FAM168B: variants seen among roughly 807,000 people sequenced by gnomAD.
The protein encoded by FAM168B is family with sequence similarity 168 member B.
In FAM168B, 19 loss-of-function variants were observed where a neutral mutation model predicts 21.8. The ratio of observed to expected loss-of-function variants is 0.87; its 90% CI spans 0.61 to 1.28. The LOEUF is 1.28. FAM168B is among the 50% of genes most tolerant of loss of function. The pLI, the probability that FAM168B is intolerant of heterozygous loss-of-function variation, is 0.00. For synonymous variants in FAM168B, 126 were observed against 104.8 expected, an observed-to-expected ratio of 1.20 and a Z score of -1.24; for missense variants, 233 against 263.1, an observed-to-expected ratio of 0.89 and a Z score of 0.79.
intron 1 of FAM168B, among the ~76,000 whole-genome samples, chr2:131,089,559 G>A (rs2105603551): frequency 6.8e-6 from 1 of 146,820 alleles, no homozygotes; most frequent in Admixed American, 6.9e-5. Flanking sequence ...GGTGAAACCT[G>A]TCTCTACTAA....
chr2:131,072,647 C>A (rs1692933410), intron 2 of FAM168B, among the ~76,000 whole-genome samples: 1 of 151,496 alleles, frequency 6.6e-6, no homozygotes, highest in Admixed American at 6.6e-5. Flanking sequence ...TTAGTAGAGA[C>A]AAGGTTTCAC....
chr2:131,092,044 T>C (rs1282119550), intron 1 of FAM168B, among the ~76,000 whole-genome samples: 2 of 149,764 alleles, frequency 1.3e-5, no homozygotes, highest in Non-Finnish European at 3.0e-5. Context: ...CTTGGGAGGC[T>C]GAGGCAAAAG....
intron 2 of FAM168B, among the ~76,000 whole-genome samples, chr2:131,077,872 T>C (rs1166037535): frequency 6.6e-6 from 1 of 152,090 alleles, no homozygotes; most frequent in East Asian, 1.9e-4. Flanking sequence ...TCCCCTGGTG[T>C]AAGAGACAAA....
rs1004518668 is a variant in FAM168B, at chr2:131,051,254, C to A, written c.*1211G>T. On this transcript the variant is annotated 3_prime_UTR_variant, in exon 7 of 7. Coordinates refer to ENST00000389915, the MANE Select transcript of FAM168B (RefSeq NM_001009993.4). ...GCCTCAGCAGACAAGTCACCACCAT[C>A]AGGTGGGTGATCCCAGAAGCAGCTA... The A allele has an allele frequency of 6.1e-6, 6 of 985,174 alleles. No homozygotes were observed. Among genetic ancestry groups the A allele is most frequent in the Non-Finnish European group, 7.2e-6 (6 of 829,920 alleles). 61.0% of individuals were successfully genotyped at this position (985,174 alleles called of 1,614,324 possible). A position where few individuals can be genotyped will look rare whatever the true frequency, so the allele number is the denominator to read the frequency against.
At chr2:131,069,364 T>C (rs936882817) in intron 3 of FAM168B, among the ~76,000 whole-genome samples, 6 of 152,194 alleles carry the variant, frequency 3.9e-5, no homozygotes, top group African/African-American at 7.2e-5. Flanking sequence ...CTTCAATCCA[T>C]TCCTACCATC....
At chr2:131,063,828 A>AT (rs929099637) in intron 3 of FAM168B, among the ~76,000 whole-genome samples, 4 of 152,178 alleles carry the variant, frequency 2.6e-5, no homozygotes, top group South Asian at 2.1e-4. Flanking sequence ...AAGTAAAAAA[A>AT]TTTTTTTAAT....
intron 3 of FAM168B, among the ~76,000 whole-genome samples, chr2:131,063,999 A>G (rs1348410252): frequency 6.6e-6 from 1 of 152,148 alleles, no homozygotes; most frequent in Non-Finnish European, 1.5e-5. Context: ...CTGAAATATC[A>G]AATTCATTCA....
At chr2:131,079,230 C>A (rs974601574) in intron 2 of FAM168B, among the ~76,000 whole-genome samples, 2 of 152,092 alleles carry the variant, frequency 1.3e-5, no homozygotes, top group African/African-American at 4.8e-5. Flanking sequence ...GTAATCCCAG[C>A]ACTTTGGGAG....
At chr2:131,090,221 AG>A (rs1216205277) in intron 1 of FAM168B, among the ~76,000 whole-genome samples, 1 of 147,166 alleles carries the variant, frequency 6.8e-6, no homozygotes, top group African/African-American at 2.5e-5. Flanking sequence ...CAGGAGGCTG[AG>A]GCTGGAGAAT....
rs142944593 is a variant in FAM168B at position 131,083,638 on chromosome 2, G to A, written c.-11-981C>T. Among the ~76,000 whole-genome samples, 199 of 152,314 alleles carry A rather than the reference G, an allele frequency of 1.3e-3. 1 individual carries two copies. Among genetic ancestry groups the A allele is most frequent in the African/African-American group, 4.4e-3 (183 of 41,570 alleles). On this transcript the variant is annotated intron_variant, in intron 1 of 6. Coordinates refer to ENST00000389915, the MANE Select transcript of FAM168B (RefSeq NM_001009993.4). ...ACATATCCAGAACATGAAATATCAC[G>A]CAGCTGCTTTTCAAGAAATGTTTAA...
At chr2:131,088,465 A>C (rs1363759884) in intron 1 of FAM168B, among the ~76,000 whole-genome samples, 1 of 152,194 alleles carries the variant, frequency 6.6e-6, no homozygotes, top group African/African-American at 2.4e-5. Flanking sequence ...AAATTAAAAT[A>C]GATATAGACA....
chr2:131,092,447 A>G (rs1694081538), intron 1 of FAM168B, among the ~76,000 whole-genome samples: 1 of 152,232 alleles, frequency 6.6e-6, no homozygotes, highest in Admixed American at 6.5e-5. Context: ...CATCCATAGT[A>G]TTTGAGAAAA....
At chr2:131,080,272 C>CTT (rs879713061) in intron 2 of FAM168B, among the ~76,000 whole-genome samples, 7 of 145,312 alleles carry the variant, frequency 4.8e-5, no homozygotes, top group African/African-American at 1.3e-4. Context: ...ACAGTAACGT[C>CTT]TTTTTTTTTT....
chr2:131,090,849 C>T (rs1377923096), intron 1 of FAM168B, among the ~76,000 whole-genome samples: 3 of 152,142 alleles, frequency 2.0e-5, no homozygotes, highest in African/African-American at 7.2e-5. Context: ...CTGCCTCAGC[C>T]TCCCCCAGTG....
Position 131,051,704 on chromosome 2 carries a change from A to AC in FAM168B, c.*760dup, listed in dbSNP as rs1329751597. 9 of 983,896 alleles carry AC rather than the reference A, an allele frequency of 9.1e-6. No homozygotes were observed. Among genetic ancestry groups the AC allele is most frequent in the Non-Finnish European group, 1.1e-5 (9 of 829,550 alleles). The allele number at this position is 983,896 out of a possible 1,614,324, so 60.9% of individuals were successfully genotyped here. On this transcript the variant is annotated 3_prime_UTR_variant, in exon 7 of 7. Coordinates refer to ENST00000389915, the MANE Select transcript of FAM168B (RefSeq NM_001009993.4). ...AAACTGCTTTGCTGACACATAAACC[A>AC]CCCCCCTCGCCCCAAATTTCACTGG...
intron 3 of FAM168B, among the ~76,000 whole-genome samples, chr2:131,069,017 AAAT>A (rs1162723934): frequency 1.3e-5 from 2 of 152,192 alleles, no homozygotes; most frequent in Non-Finnish European, 2.9e-5. Flanking sequence ...CCCTGTCTCA[AAAT>A]AATAATGAGA....
At chr2:131,059,797 A>AT (rs1692203009) in intron 3 of FAM168B, among the ~76,000 whole-genome samples, 2 of 151,934 alleles carry the variant, frequency 1.3e-5, no homozygotes, top group Admixed American at 6.5e-5. Flanking sequence ...GATAAAAAAA[A>AT]TTTTTAGGTG....
At position 131,050,609 on chromosome 2, in the gene FAM168B, G is replaced by A. The variant is rs1691604255; in HGVS notation, c.*1856C>T. ...GAATAAAGAATCTGCTGTTTACAAT[G>A]ATCCATGCAAAAATATTCCTAAACT... is the stretch of plus-strand genomic sequence containing the variant. On this transcript the variant is annotated 3_prime_UTR_variant, in exon 7 of 7. Transcript: ENST00000389915. 1 of 985,342 alleles carries A rather than the reference G, an allele frequency of 1.0e-6. No homozygotes were observed. Among genetic ancestry groups the A allele is most frequent in the Admixed American group, 6.2e-5 (1 of 16,250 alleles). The allele number at this position is 985,342 out of a possible 1,614,324, so 61.0% of individuals were successfully genotyped here. A position where few individuals can be genotyped will look rare whatever the true frequency, so the allele number is the denominator to read the frequency against.
chr2:131,089,725 A>G (rs929718125), intron 1 of FAM168B, among the ~76,000 whole-genome samples: 2 of 149,954 alleles, frequency 1.3e-5, no homozygotes, highest in African/African-American at 4.9e-5. Flanking sequence ...CTCAAAAAAA[A>G]AAAAAAGAAA....
Sources: allele counts gnomAD v4.1 joint callset (sites outside exome capture counted in the v4.1 genomes callset), GRCh38; gene constraint gnomAD v4.1.1; transcripts MANE v1.5; gene names NCBI Gene and HGNC (gene_info 2026-07-23, HGNC 2026-07-21).